Variants in IL12RB2 observed in about 807,000 individuals in gnomAD.
The protein encoded by IL12RB2 is interleukin 12 receptor subunit beta 2, also known as interleukin-12 receptor subunit beta-2.
In IL12RB2, 82 loss-of-function variants were observed where a neutral mutation model predicts 89.4. That is an observed-to-expected ratio of 0.92 (90% confidence interval 0.77 to 1.10). The LOEUF is 1.10. Ranked by LOEUF, IL12RB2 falls within the 50% of genes least tolerant of loss-of-function variation. The pLI is 0.00. For missense variants in IL12RB2, 963 were observed against 1,031.9 expected (o/e 0.93, Z 0.92); for synonymous variants, 368 against 370.1 (o/e 0.99, Z 0.07).
chr1:67,375,600 C>T (rs577015879), intron 13 of IL12RB2, among the ~76,000 whole-genome samples: 8 of 152,122 alleles, frequency 5.3e-5, no homozygotes, highest in Non-Finnish European at 1.2e-4. Context: ...CCCCCTCTTA[C>T]TGGTGTTTCA....
intron 14 of IL12RB2, among the ~76,000 whole-genome samples, chr1:67,380,429 A>T (rs881086): frequency 0.47 from 71,085 of 152,114 alleles, 18,790 homozygotes; most frequent in Non-Finnish European, 0.58. Context: ...TCCTGTAGGC[A>T]AGGATTGATA....
At chr1:67,394,671 C>T (rs544771397) in intron 16 of IL12RB2, among the ~76,000 whole-genome samples, 1 of 152,310 alleles carries the variant, frequency 6.6e-6, no homozygotes, top group East Asian at 1.9e-4. Context: ...AACACCCTTG[C>T]ATCACTTAAA....
intron 1 of IL12RB2, among the ~76,000 whole-genome samples, chr1:67,309,096 A>T (rs1654686167): frequency 6.6e-6 from 1 of 152,008 alleles, no homozygotes; most frequent in Admixed American, 6.6e-5. Context: ...ATAAAGAATA[A>T]AGCTAAATTA....
intron 9 of IL12RB2, among the ~76,000 whole-genome samples, chr1:67,341,138 G>A (rs1007366219): frequency 2.0e-5 from 3 of 152,194 alleles, no homozygotes; most frequent in African/African-American, 7.2e-5. Flanking sequence ...AGTGGCTTAC[G>A]CCAGTAATAA....
intron 15 of IL12RB2, among the ~76,000 whole-genome samples, chr1:67,389,208 G>A (rs1445507272): frequency 6.6e-6 from 1 of 151,984 alleles, no homozygotes; most frequent in Non-Finnish European, 1.5e-5. Context: ...CCATCCCTTA[G>A]GTATTGTCCT....
chr1:67,321,473 T>C, intron 3 of IL12RB2, 129 bp from the exon 4 acceptor site: 1 of 723,494 alleles, frequency 1.4e-6, no homozygotes, highest in Non-Finnish European at 2.5e-6. Context: ...ACCAGAGACA[T>C]GTAGGTTAAT....
rs534864409 is a variant in IL12RB2, at chr1:67,330,760, G to C, written c.908G>C (p.Gly303Ala). 2.7e-5 allele frequency: 42 copies of C among 1,568,134 alleles called. No individual in the cohort carries two copies. The highest frequency in any genetic ancestry group is 5.0e-5 in the Admixed American group (3 of 59,952). Reference protein sequence around the residue: ...QISSKLHLYKGSWSDWSESLR... With the variant: ...QISSKLHLYKASWSDWSESLR... ...TCCTCTAAGCTACATCTTTATAAGG[G>C]AAGTTGGAGTGATTGGAGTGAATCA... Residue 303 changes from glycine (G) to alanine (A), a missense_variant, in exon 8 of 17, where the codon GGA (glycine) becomes GCA (alanine). Transcript: ENST00000674203.
intron 10 of IL12RB2, 63 bp from the exon 11 acceptor site, chr1:67,367,761 TG>T: frequency 1.1e-6 from 1 of 949,254 alleles, no homozygotes; most frequent in South Asian, 1.3e-5. Context: ...TGGCTTTTTT[TG>T]TTGTTTAAAT....
chr1:67,310,714 G>T (rs1654931753), intron 1 of IL12RB2, among the ~76,000 whole-genome samples: 1 of 152,062 alleles, frequency 6.6e-6, no homozygotes, highest in Non-Finnish European at 1.5e-5. Flanking sequence ...TGAGATAGGT[G>T]CTGGTTTTTT....
chr1:67,368,136 A>C (rs998306599), intron 11 of IL12RB2, 111 bp downstream of exon 11: 42 of 725,552 alleles, frequency 5.8e-5, no homozygotes, highest in Admixed American at 5.6e-4. Context: ...CTACATGATG[A>C]GAGAGACTGA....
At chr1:67,376,458 C>T (rs1469796193) in intron 13 of IL12RB2, among the ~76,000 whole-genome samples, 2 of 152,186 alleles carry the variant, frequency 1.3e-5, no homozygotes, top group African/African-American at 2.4e-5. Flanking sequence ...ATCACATCTT[C>T]CTACACTGGT....
chr1:67,384,122 C>T (rs1208580576), intron 14 of IL12RB2, among the ~76,000 whole-genome samples: 5 of 152,222 alleles, frequency 3.3e-5, no homozygotes, highest in Non-Finnish European at 7.3e-5. Flanking sequence ...GGGCTTGCAC[C>T]CCACATTTCT....
rs774704366 is a variant in IL12RB2 at position 67,395,826 on chromosome 1, G to C, written c.2326G>C (p.Asp776His). 6.2e-7 allele frequency: 1 copy of C among 1,612,108 alleles called. No individual in the cohort carries two copies. Among genetic ancestry groups the C allele is most frequent in the South Asian group, 1.1e-5 (1 of 91,038 alleles). ...LYKVLESRGS[D>H]PKPENPACPW... ...CAAGGTGCTGGAGAGCAGGGGCTCC[G>C]ACCCAAAGCCCGAAAACCCAGCCTG... is the stretch of plus-strand genomic sequence containing the variant. Residue 776 changes from aspartate (D) to histidine (H), a missense_variant, in exon 17 of 17, where the codon GAC becomes CAC. Coordinates refer to ENST00000674203, the MANE Select transcript of IL12RB2 (RefSeq NM_001374259.2).
intron 4 of IL12RB2, among the ~76,000 whole-genome samples, chr1:67,323,341 T>C (rs550159029): frequency 6.6e-6 from 1 of 152,242 alleles, no homozygotes. Flanking sequence ...TGCGGTATAG[T>C]AGAAGTAGCA....
chr1:67,339,087 G>GA (rs1659216122), intron 9 of IL12RB2, among the ~76,000 whole-genome samples: 1 of 151,434 alleles, frequency 6.6e-6, no homozygotes, highest in South Asian at 2.1e-4. Context: ...AACAAAAGAT[G>GA]AAAAAGCTGT....
chr1:67,350,777 G>A (rs1660738789), intron 9 of IL12RB2, 93 bp from the exon 10 acceptor site: 1 of 1,566,372 alleles, frequency 6.4e-7, no homozygotes, highest in Admixed American at 1.9e-5. Context: ...CTCAGCTGTA[G>A]CTGCCTAGTA....
chr1:67,370,972 A>G (rs1663236215), intron 11 of IL12RB2, among the ~76,000 whole-genome samples: 1 of 152,250 alleles, frequency 6.6e-6, no homozygotes, highest in African/African-American at 2.4e-5. Flanking sequence ...GCAAAATACA[A>G]TGGAACTGTC....
intron 10 of IL12RB2, among the ~76,000 whole-genome samples, chr1:67,354,237 G>A (rs936481604): frequency 6.6e-6 from 1 of 152,128 alleles, no homozygotes; most frequent in African/African-American, 2.4e-5. Context: ...GAGACAAAGT[G>A]GTGCTAGCCA....
chr1:67,398,128 G>A lies in IL12RB2; in HGVS notation c.*2039G>A, dbSNP rs986584079. 2.6e-5 allele frequency among the ~76,000 whole-genome samples: 4 copies of A among 151,798 alleles called. No homozygotes were observed. The highest frequency in any genetic ancestry group is 2.6e-4 in the Admixed American group (4 of 15,212). ...TTCCACTCTATTTAGCTATTATTGT[G>A]CGGCACCCCCAATGGTTCCTTTCCT... On this transcript the variant is annotated 3_prime_UTR_variant, in exon 17 of 17. Transcript: ENST00000674203.
Sources: gnomAD v4.1 joint callset for allele counts (sites outside exome capture counted in the v4.1 genomes callset) on GRCh38, gnomAD v4.1.1 for gene constraint, MANE v1.5 for transcripts, NCBI Gene and HGNC (gene_info 2026-07-23, HGNC 2026-07-21) for gene names.